WDR7: variants seen among roughly 807,000 people sequenced by gnomAD.
WDR7 encodes the protein WD repeat domain 7.
WDR7 carries 46 observed loss-of-function variants against 169.4 expected under a neutral mutation model. The ratio of observed to expected loss-of-function variants is 0.27; its 90% CI spans 0.21 to 0.35. The LOEUF is 0.35. Ranked by LOEUF, WDR7 falls within the 10% of genes least tolerant of loss-of-function variation. The pLI is 1.00. For missense variants in WDR7, 1,534 were observed against 1,859.3 expected, an observed-to-expected ratio of 0.83 and a Z score of 3.22; for synonymous variants, 612 against 666.8, an observed-to-expected ratio of 0.92 and a Z score of 1.27.
At chr18:56,831,043 T>A (rs1191186444) in intron 20 of WDR7, among the ~76,000 whole-genome samples, 1 of 152,196 alleles carries the variant, frequency 6.6e-6, no homozygotes, top group East Asian at 1.9e-4. Context: ...TGATCTTCAG[T>A]GTAGCCAGAC....
chr18:56,886,385 A>G (rs554167307), intron 21 of WDR7, among the ~76,000 whole-genome samples: 4 of 152,168 alleles, frequency 2.6e-5, no homozygotes, highest in Non-Finnish European at 5.9e-5. Context: ...ACTAAGTAAG[A>G]TCCATAAATG....
At chr18:56,710,300 G>A (rs1333887325) in intron 12 of WDR7, among the ~76,000 whole-genome samples, 2 of 152,066 alleles carry the variant, frequency 1.3e-5, no homozygotes, top group Non-Finnish European at 2.9e-5. Context: ...ACCGTGCCTG[G>A]CCAATTAATA....
intron 14 of WDR7, among the ~76,000 whole-genome samples, chr18:56,746,045 T>C (rs949575068): frequency 2.6e-5 from 4 of 152,192 alleles, no homozygotes; most frequent in African/African-American, 9.7e-5. Context: ...GTAAGATGAT[T>C]TATATGACAT....
At chr18:56,780,660 C>T (rs755720666) in intron 18 of WDR7, among the ~76,000 whole-genome samples, 1 of 152,000 alleles carries the variant, frequency 6.6e-6, no homozygotes, top group Non-Finnish European at 1.5e-5. Context: ...ATTAGCCGGT[C>T]GTGGTGGCAT....
At chr18:56,777,088 A>G (rs574154629) in intron 17 of WDR7, among the ~76,000 whole-genome samples, 2 of 152,352 alleles carry the variant, frequency 1.3e-5, no homozygotes, top group South Asian at 2.1e-4. Flanking sequence ...CATGTTTTCT[A>G]TAATCTAGAC....
At position 56,708,456 on chromosome 18, in the gene WDR7, G is replaced by A. The variant is rs146622078; in HGVS notation, c.1579-9508G>A. Among the ~76,000 whole-genome samples the A allele has an allele frequency of 4.6e-5, 7 of 152,314 alleles. No homozygotes were observed. In the East Asian group the frequency reaches 7.7e-4, roughly 17 times the overall value. ...ATTTAAGTTCTAAGTTGAGGAGTGA[G>A]AAAGTAGAAGGGCAGGACCAACAGA... On this transcript the variant is annotated intron_variant, in intron 12 of 27. Transcript: ENST00000254442.
rs112901904 is a variant in WDR7 at position 56,723,121 on chromosome 18, T to C, written c.1774+4962T>C. ...GACCAGTTGCTCTAGTCAATAATAA[T>C]TGGGTCACTCCCAATTCTTCTTGCT... On this transcript the variant is annotated intron_variant, in intron 13 of 27. Transcript: ENST00000254442. 7.5e-3 allele frequency among the ~76,000 whole-genome samples: 1,139 copies of C among 152,276 alleles called. 20 individuals are homozygous for C. The highest frequency in any genetic ancestry group is 0.026 in the African/African-American group (1,075 of 41,576).
chr18:56,687,181 A>G (rs994734422), intron 7 of WDR7, among the ~76,000 whole-genome samples: 3 of 152,308 alleles, frequency 2.0e-5, no homozygotes, highest in East Asian at 1.9e-4. Context: ...GAATGATTCA[A>G]TTAGAGACTG....
chr18:57,002,156 G>A (rs778648487), intron 26 of WDR7, among the ~76,000 whole-genome samples: 21 of 152,000 alleles, frequency 1.4e-4, no homozygotes, highest in Non-Finnish European at 2.5e-4. Flanking sequence ...TCAGCATTTT[G>A]TGATAATTTC....
At position 56,789,447 on chromosome 18, in the gene WDR7, TAACAATGGAGCC is replaced by T. The variant is rs2044451349; in HGVS notation, c.3190+7796_3190+7807del. Among the ~76,000 whole-genome samples the T allele has an allele frequency of 2.0e-5, 3 of 152,326 alleles. No individual in the cohort carries two copies. In the South Asian group the frequency reaches 6.2e-4, roughly 32 times the overall value. On this transcript the variant is annotated intron_variant, in intron 19 of 27. Coordinates refer to ENST00000254442, the MANE Select transcript of WDR7 (RefSeq NM_015285.3). ...GAACTCCTCCGCACAAGCGGTCCTCTAACAATGGAGCCAACAGCCTGCGCTCAGGATGTCAGT... is the reference window on the plus strand; with the variant it reads ...GAACTCCTCCGCACAAGCGGTCCTCTAACAGCCTGCGCTCAGGATGTCAGT...
intron 1 of WDR7, 85 bp from the exon 2 acceptor site, chr18:56,672,412 C>A: frequency 3.0e-4 from 288 of 945,456 alleles, no homozygotes; most frequent in East Asian, 1.0e-3. Context: ...TGATTATTTT[C>A]AAATTGTTGG....
intron 12 of WDR7, among the ~76,000 whole-genome samples, chr18:56,699,070 A>G (rs1365174552): frequency 2.0e-5 from 3 of 152,238 alleles, no homozygotes; most frequent in Admixed American, 1.3e-4. Context: ...AAGGAAAAAA[A>G]AGAAATTTTA....
intron 19 of WDR7, among the ~76,000 whole-genome samples, chr18:56,799,130 T>C (rs1430902615): frequency 6.6e-6 from 1 of 152,130 alleles, no homozygotes; most frequent in Non-Finnish European, 1.5e-5. Context: ...GTAAGAACTA[T>C]TATAGAGATG....
At chr18:56,776,635 A>G in intron 16 of WDR7, 147 bp from the exon 17 acceptor site, 1 of 672,230 alleles carries the variant, frequency 1.5e-6, no homozygotes, top group Middle Eastern at 2.5e-4. Flanking sequence ...TTTAATGATC[A>G]TGCCTTTCTG....
At chr18:56,738,408 A>C (rs2026747755) in intron 14 of WDR7, among the ~76,000 whole-genome samples, 1 of 152,146 alleles carries the variant, frequency 6.6e-6, no homozygotes. Flanking sequence ...CTCTACAAAA[A>C]TTAGCCAGGC....
At chr18:56,789,044 C>T (rs1205395049) in intron 19 of WDR7, among the ~76,000 whole-genome samples, 1 of 152,154 alleles carries the variant, frequency 6.6e-6, no homozygotes, top group Non-Finnish European at 1.5e-5. Flanking sequence ...AGAGTCAGAG[C>T]TATTGAGCTT....
chr18:56,808,030 G>A (rs1176853177), intron 19 of WDR7, among the ~76,000 whole-genome samples: 2 of 152,178 alleles, frequency 1.3e-5, no homozygotes, highest in African/African-American at 4.8e-5. Flanking sequence ...GCCTTTGTGT[G>A]TATGTGCTGA....
intron 20 of WDR7, among the ~76,000 whole-genome samples, chr18:56,867,739 A>G (rs990848667): frequency 6.6e-6 from 1 of 152,200 alleles, no homozygotes; most frequent in African/African-American, 2.4e-5. Flanking sequence ...GTTGTAATAC[A>G]TGAATGAGTT....
chr18:56,811,261 G>C (rs2044863933), intron 19 of WDR7, among the ~76,000 whole-genome samples: 1 of 151,774 alleles, frequency 6.6e-6, no homozygotes, highest in Non-Finnish European at 1.5e-5. Flanking sequence ...CTTTTGTGTG[G>C]ACATATGTTT....
Sources: allele counts gnomAD v4.1 joint callset (sites outside exome capture counted in the v4.1 genomes callset), GRCh38; gene constraint gnomAD v4.1.1; transcripts MANE v1.5; gene names NCBI Gene and HGNC (gene_info 2026-07-23, HGNC 2026-07-21).